Variants in PRIMPOL observed in about 807,000 individuals in gnomAD.
PRIMPOL encodes primase and DNA directed polymerase, also known as DNA-directed primase/polymerase protein.
Under a neutral mutation model 63.6 loss-of-function variants are expected in PRIMPOL, and 54 were observed. That is an observed-to-expected ratio of 0.85 (90% CI 0.68 to 1.07). The LOEUF is 1.07. Ranked by LOEUF, PRIMPOL falls within the 50% of genes least tolerant of loss-of-function variation. PRIMPOL has a pLI of 0.00. For missense variants in PRIMPOL, 610 were observed against 648.3 expected (o/e 0.94, Z 0.64); for synonymous variants, 197 against 220.2 (o/e 0.89, Z 0.93).
intron 7 of PRIMPOL, among the ~76,000 whole-genome samples, chr4:184,676,021 T>A (rs1241202278): frequency 3.9e-5 from 6 of 152,204 alleles, no homozygotes. Flanking sequence ...GTTTCTTGCA[T>A]CTTGTTAAAG....
intron 7 of PRIMPOL, among the ~76,000 whole-genome samples, chr4:184,674,167 A>G (rs1193459741): frequency 6.6e-6 from 1 of 152,212 alleles, no homozygotes; most frequent in Non-Finnish European, 1.5e-5. Context: ...ACTAGCAAGG[A>G]AACCTCCCTG....
Position 184,659,400 on chromosome 4 carries a change from A to G in PRIMPOL, c.241A>G (p.Thr81Ala). The change falls in exon 4 of 14, where the codon ACA becomes GCA. Residue 81 changes from threonine (T) to alanine (A), a missense_variant. Physicochemically the swap from Thr to Ala is moderately conservative, Grantham distance 58. This residue lies in a region of PRIMPOL where 159 missense variants were observed against 168.9 expected (regional missense o/e 0.94). Transcript: ENST00000314970. ...VGDGQRIYLV[T>A]TYAEFWFYYK... Reference sequence around the variant, plus strand: ...AGATGGACAACGTATTTACCTTGTGACAACCTATGCTGAATTTTGGTTTTA... The same window carrying G: ...AGATGGACAACGTATTTACCTTGTGGCAACCTATGCTGAATTTTGGTTTTA... 6.2e-7 allele frequency: 1 copy of G among 1,613,978 alleles called. No individual in the cohort carries two copies. Among genetic ancestry groups the G allele is most frequent in the Non-Finnish European group, 8.5e-7 (1 of 1,179,844 alleles).
intron 7 of PRIMPOL, among the ~76,000 whole-genome samples, chr4:184,673,854 C>G (rs1030199081): frequency 6.6e-6 from 1 of 152,172 alleles, no homozygotes; most frequent in Non-Finnish European, 1.5e-5. Flanking sequence ...GGACGTGTTT[C>G]TGCTGGATTG....
intron 7 of PRIMPOL, among the ~76,000 whole-genome samples, chr4:184,674,813 G>T (rs995044986): frequency 7.2e-5 from 11 of 152,196 alleles, no homozygotes; most frequent in Non-Finnish European, 1.5e-4. Flanking sequence ...GATACTGTAA[G>T]TTTAGGTCAT....
chr4:184,658,508 G>A (rs1747247025), intron 3 of PRIMPOL, among the ~76,000 whole-genome samples: 1 of 152,156 alleles, frequency 6.6e-6, no homozygotes, highest in East Asian at 1.9e-4. Flanking sequence ...TTAGCTAAGA[G>A]GAAACAAAAG....
chr4:184,650,701 C>T (rs1047836621), intron 1 of PRIMPOL, among the ~76,000 whole-genome samples: 9 of 152,176 alleles, frequency 5.9e-5, no homozygotes, highest in South Asian at 4.1e-4. Flanking sequence ...GAAGAATTCA[C>T]CAACACATGT....
rs915974114 is a variant in PRIMPOL, at chr4:184,683,228, T to A, written c.1096+892T>A. ...GGCAGATAACCTGAGTTCAGGAGTT[T>A]GAGAACAGCCTGGCCAACATGGTGA... On this transcript the variant is annotated intron_variant, in intron 9 of 13. Transcript: ENST00000314970. Among the ~76,000 whole-genome samples the A allele has an allele frequency of 3.3e-5, 5 of 152,238 alleles. No individual in the cohort carries two copies. The East Asian group carries it at 9.6e-4, about 29-fold the overall frequency.
chr4:184,688,202 G>C (rs377687185), intron 11 of PRIMPOL, among the ~76,000 whole-genome samples: 1 of 152,130 alleles, frequency 6.6e-6, no homozygotes, highest in African/African-American at 2.4e-5. Context: ...TTGCTGTGTC[G>C]TGGAATATGC....
intron 1 of PRIMPOL, among the ~76,000 whole-genome samples, chr4:184,650,303 A>T (rs553586143): frequency 6.6e-6 from 1 of 152,368 alleles, no homozygotes; most frequent in East Asian, 1.9e-4. Flanking sequence ...GAACCAATCC[A>T]GAGGGAGTGA....
chr4:184,654,711 G>A (rs146618127), intron 2 of PRIMPOL, among the ~76,000 whole-genome samples: 5 of 151,960 alleles, frequency 3.3e-5, no homozygotes, highest in South Asian at 2.1e-4. Context: ...CTTGGCCTCC[G>A]AAAGTGCTGG....
At chr4:184,694,464 A>G (rs1234021049) in intron 13 of PRIMPOL, 58 bp from the exon 14 acceptor site, 3 of 1,568,550 alleles carry the variant, frequency 1.9e-6, no homozygotes, top group Non-Finnish European at 2.6e-6. Flanking sequence ...GTTAAATCAC[A>G]TATCCTGAGT....
intron 2 of PRIMPOL, 98 bp from the exon 3 acceptor site, chr4:184,656,984 A>G: frequency 1.9e-6 from 1 of 538,884 alleles, no homozygotes; most frequent in Non-Finnish European, 3.0e-6. Context: ...AGAATAAACA[A>G]GAAAATAAGT....
intron 5 of PRIMPOL, among the ~76,000 whole-genome samples, chr4:184,665,625 T>C (rs1749666098): frequency 1.3e-5 from 2 of 151,388 alleles, no homozygotes; most frequent in Non-Finnish European, 2.9e-5. Flanking sequence ...TGCCTCGGCC[T>C]CCTGAGTAGC....
intron 13 of PRIMPOL, 79 bp from the exon 14 acceptor site, chr4:184,694,443 T>TA: frequency 1.3e-6 from 2 of 1,507,684 alleles, no homozygotes; most frequent in African/African-American, 1.4e-5. Flanking sequence ...TACTTCAACA[T>TA]AGAGTATAAG....
intron 8 of PRIMPOL, among the ~76,000 whole-genome samples, chr4:184,681,350 G>A (rs761089185): frequency 1.4e-4 from 21 of 152,016 alleles, no homozygotes; most frequent in Non-Finnish European, 2.5e-4. Context: ...CCTGGTGTCT[G>A]TGGGTGATTA....
At chr4:184,654,154 A>G (rs1041821159) in intron 2 of PRIMPOL, among the ~76,000 whole-genome samples, 2 of 152,152 alleles carry the variant, frequency 1.3e-5, no homozygotes, top group Non-Finnish European at 2.9e-5. Context: ...AAATCAAACA[A>G]TTTTTCATGA....
chr4:184,659,643 T>A (rs1253408001), intron 4 of PRIMPOL, among the ~76,000 whole-genome samples: 1 of 152,212 alleles, frequency 6.6e-6, no homozygotes, highest in Non-Finnish European at 1.5e-5. Flanking sequence ...ATCATGCACA[T>A]ACACGAATAT....
In PRIMPOL at chr4:184,665,751, C is replaced by T. The variant is rs139334682; in HGVS notation, c.409-166C>T. Among the ~76,000 whole-genome samples, 853 of 152,024 alleles carry T rather than the reference C, an allele frequency of 5.6e-3. 10 individuals are homozygous for T. Among genetic ancestry groups the T allele is most frequent in the African/African-American group, 0.02 (816 of 41,468 alleles). On this transcript the variant is annotated intron_variant, in intron 5 of 13. Coordinates refer to ENST00000314970, the MANE Select transcript of PRIMPOL (RefSeq NM_152683.4). ...AACTTCTGACTTCAAGTAATCTGCC[C>T]GCCTTGGCCTCCCAAAGTGCTGGGA...
chr4:184,677,206 C>T (rs902206052), intron 7 of PRIMPOL, among the ~76,000 whole-genome samples: 1 of 151,662 alleles, frequency 6.6e-6, no homozygotes, highest in African/African-American at 2.4e-5. Flanking sequence ...AAGCGATCCT[C>T]CTGTTGTGGC....
Sources: gnomAD v4.1 joint callset for allele counts (sites outside exome capture counted in the v4.1 genomes callset) on GRCh38, gnomAD v4.1.1 for gene constraint, gnomAD v4.1.1 regional missense constraint, MANE v1.5 for transcripts, NCBI Gene and HGNC (gene_info 2026-07-23, HGNC 2026-07-21) for gene names.